OCRL: variants seen among roughly 807,000 people sequenced by gnomAD.
OCRL encodes the protein inositol polyphosphate 5-phosphatase OCRL.
Under a neutral mutation model 78.9 loss-of-function variants are expected in OCRL, and 8 were observed. That is an observed-to-expected ratio of 0.10 (90% CI 0.06 to 0.18). The LOEUF is 0.18. Among genes scored for constraint, OCRL ranks in the 10% least tolerant of loss-of-function variants. OCRL has a pLI of 1.00. For missense variants in OCRL, 454 were observed against 696.7 expected, an observed-to-expected ratio of 0.65 and a Z score of 3.92; for synonymous variants, 240 against 235.4, an observed-to-expected ratio of 1.02 and a Z score of -0.18.
intron 18 of OCRL, among the ~76,000 whole-genome samples, chrX:129,580,336 CTG>C (rs1488535365): frequency 8.9e-6 from 1 of 111,878 alleles, no homozygotes. Flanking sequence ...GTATGAAAAA[CTG>C]TAAGATTTCC....
rs970898432 is a variant in OCRL, at chrX:129,591,444, A to C, written c.*1174A>C. 1 of 111,936 alleles carries C rather than the reference A, an allele frequency of 8.9e-6. No homozygotes were observed. Among genetic ancestry groups the C allele is most frequent in the Non-Finnish European group, 1.9e-5 (1 of 53,126 alleles). 9.2% of individuals were successfully genotyped at this position (111,936 alleles called of 1,213,427 possible). On this transcript the variant is annotated 3_prime_UTR_variant, in exon 24 of 24. Transcript: ENST00000371113. ...ACCAAGCACCTTACCTCTCCCATAC[A>C]AGATGACCCTCTGAGCTTTTCATTT...
Position 129,588,226 on chromosome X carries a change from C to T in OCRL, c.2304C>T (p.Ile768=), listed in dbSNP as rs1172903769. ...GAATGCAGGAAGAGCTCCAGCAGATCATTGATTGTCTGGATACCAGCATTC... is the reference window on the plus strand; with the variant it reads ...GAATGCAGGAAGAGCTCCAGCAGATTATTGATTGTCTGGATACCAGCATTC... The part of the protein sequence containing the change: ...TPGMQEELQQ[I]IDCLDTSIPE... The change falls in exon 21 of 24, where the codon ATC becomes ATT. Residue 768 remains isoleucine (I), a synonymous_variant. Coordinates refer to ENST00000371113, the MANE Select transcript of OCRL (RefSeq NM_000276.4). The T allele has an allele frequency of 8.3e-7, 1 of 1,206,301 alleles. No individual in the cohort carries two copies. Among genetic ancestry groups the T allele is most frequent in the Non-Finnish European group, 1.1e-6 (1 of 891,838 alleles).
rs1481818991 is a variant in OCRL at position 129,587,113 on chromosome X, C to T, written c.2251C>T (p.His751Tyr). ...LVDHLFKYAC[H>Y]QEDLFQTPGM... is the part of the protein sequence containing the mutation. Reference sequence around the variant, plus strand: ...AGATCACCTATTCAAATACGCCTGTCACCAGGTAAGTGAGAGTAGACCTTC... The same window carrying T: ...AGATCACCTATTCAAATACGCCTGTTACCAGGTAAGTGAGAGTAGACCTTC... The change falls in exon 20 of 24, where the codon CAC (histidine) becomes TAC (tyrosine). Residue 751 changes from histidine (H) to tyrosine (Y), a missense_variant. His to Tyr is a moderately conservative substitution (Grantham distance 83). Transcript: ENST00000371113. 1.7e-6 allele frequency: 2 copies of T among 1,151,560 alleles called. No homozygotes were observed. Among genetic ancestry groups the T allele is most frequent in the Admixed American group, 2.2e-5 (1 of 45,957 alleles). 94.9% of individuals were successfully genotyped at this position (1,151,560 alleles called of 1,213,427 possible).
rs773831589 is a variant in OCRL at position 129,566,782 on chromosome X, G to A, written c.1357-472G>A. Among the ~76,000 whole-genome samples, 4 of 112,105 alleles carry A rather than the reference G, an allele frequency of 3.6e-5. No homozygotes were observed. In the East Asian group the frequency reaches 8.4e-4, roughly 24 times the overall value. On this transcript the variant is annotated intron_variant, in intron 13 of 23. Coordinates refer to ENST00000371113, the MANE Select transcript of OCRL (RefSeq NM_000276.4). ...CTTTTTCTTTATTCTGCCTCCAAAA[G>A]GGGTACATTTAGGATAAATTCTGAG...
Position 129,544,973 on chromosome X carries a change from G to T in OCRL, c.135G>T (p.Leu45Phe). ...RNGQYELIIQ[L>F]HEKEQHVQDI... is the part of the protein sequence containing the mutation. ...TGTTTCCTAGGTTAATAATCCAGTTGCATGAGAAGGAACAGCATGTTCAAG... is the reference window on the plus strand; with the variant it reads ...TGTTTCCTAGGTTAATAATCCAGTTTCATGAGAAGGAACAGCATGTTCAAG... Residue 45 changes from leucine to phenylalanine, a missense_variant, in exon 3 of 24, where the codon TTG becomes TTT. Around this residue, in one of 2 missense-constraint regions of OCRL, gnomAD observed 177 missense variants for 179.6 expected, o/e 0.99. Coordinates refer to ENST00000371113, the MANE Select transcript of OCRL (RefSeq NM_000276.4). 2 of 1,159,090 alleles carry T rather than the reference G, an allele frequency of 1.7e-6. No homozygotes were observed. The highest frequency in any genetic ancestry group is 2.4e-6 in the Non-Finnish European group (2 of 847,778).
At chrX:129,588,759 T>C in intron 21 of OCRL, 127 bp from the exon 22 acceptor site, 1 of 806,309 alleles carries the variant, frequency 1.2e-6, no homozygotes, top group Non-Finnish European at 1.9e-6. Flanking sequence ...CAAACCCCCA[T>C]TAGGATCAAT....
rs1318590452 is a variant in OCRL at position 129,591,530 on chromosome X, A to G, written c.*1260A>G. On this transcript the variant is annotated 3_prime_UTR_variant, in exon 24 of 24. Coordinates refer to ENST00000371113, the MANE Select transcript of OCRL (RefSeq NM_000276.4). ...AATTAATCTATATTGGTTGACAAAC[A>G]AGCCACCAACCACTGACTGCAAAAC... is the stretch of plus-strand genomic sequence containing the variant. The G allele has an allele frequency of 8.9e-6, 1 of 112,276 alleles. No individual in the cohort carries two copies. Among genetic ancestry groups the G allele is most frequent in the African/African-American group, 3.3e-5 (1 of 30,768 alleles). The allele number at this position is 112,276 out of a possible 1,213,427, so 9.3% of individuals were successfully genotyped here. A position where few individuals can be genotyped will look rare whatever the true frequency, so the allele number is the denominator to read the frequency against.
At chrX:129,583,275 G>T (rs1452973301) in intron 18 of OCRL, among the ~76,000 whole-genome samples, 1 of 111,842 alleles carries the variant, frequency 8.9e-6, no homozygotes, top group Non-Finnish European at 1.9e-5. Flanking sequence ...TTTAAGTGGG[G>T]TTTCTCACTG....
intron 17 of OCRL, 119 bp downstream of exon 17, chrX:129,576,181 C>T (rs1936365805): frequency 3.3e-6 from 3 of 918,808 alleles, no homozygotes; most frequent in South Asian, 4.1e-5. Flanking sequence ...GGTGATACCT[C>T]TGGTGTGTGT....
At chrX:129,584,243 G>T in intron 18 of OCRL, 101 bp from the exon 19 acceptor site, 1 of 701,609 alleles carries the variant, frequency 1.4e-6, no homozygotes, top group African/African-American at 2.1e-5. Flanking sequence ...TGTATATCTG[G>T]TAAGATAGTG....
At chrX:129,588,808 G>A in intron 21 of OCRL, 78 bp from the exon 22 acceptor site, 1 of 1,126,311 alleles carries the variant, frequency 8.9e-7, no homozygotes, top group Non-Finnish European at 1.2e-6. Context: ...CCCTGTAGGA[G>A]CTTGAGGAAA....
intron 4 of OCRL, among the ~76,000 whole-genome samples, chrX:129,551,831 T>G (rs368053324): frequency 1.8e-5 from 2 of 112,092 alleles, no homozygotes; most frequent in East Asian, 5.6e-4. Context: ...AAGACCTCTT[T>G]GAAGAATTGA....
At chrX:129,563,612 T>C (rs1424215998) in intron 12 of OCRL, among the ~76,000 whole-genome samples, 1 of 111,874 alleles carries the variant, frequency 8.9e-6, no homozygotes, top group Non-Finnish European at 1.9e-5. Flanking sequence ...TACATTATTC[T>C]TTTTAATGGC....
chrX:129,540,846 CAG>C (rs1389887908), intron 2 of OCRL, 23 bp downstream of exon 2: 4 of 1,159,083 alleles, frequency 3.5e-6, no homozygotes, highest in Non-Finnish European at 4.7e-6. Flanking sequence ...CTGATTCCCA[CAG>C]AGGAGGGGAG....
intron 8 of OCRL, among the ~76,000 whole-genome samples, chrX:129,559,332 G>A (rs185444207): frequency 9.0e-6 from 1 of 111,546 alleles, no homozygotes; most frequent in Admixed American, 9.5e-5. Flanking sequence ...GCAAGTAGGT[G>A]GAACTACAGG....
intron 14 of OCRL, 83 bp downstream of exon 14, chrX:129,567,446 T>A: frequency 1.5e-6 from 1 of 645,169 alleles, no homozygotes; most frequent in Non-Finnish European, 2.5e-6. Flanking sequence ...GGGCTAGGAA[T>A]TTTTTAGGCC....
intron 20 of OCRL, 55 bp from the exon 21 acceptor site, chrX:129,588,124 C>G (rs1394228536): frequency 1.1e-6 from 1 of 881,702 alleles, no homozygotes; most frequent in Non-Finnish European, 1.7e-6. Flanking sequence ...GGGTAATCAT[C>G]ATAACCTCAG....
chrX:129,569,600 G>A (rs957063410), intron 15 of OCRL, among the ~76,000 whole-genome samples: 2 of 111,273 alleles, frequency 1.8e-5, no homozygotes, highest in African/African-American at 6.5e-5. Context: ...GCCTTTTAGT[G>A]ACACAGATGT....
chrX:129,570,647 A>T (rs1331899825), intron 15 of OCRL, among the ~76,000 whole-genome samples: 10 of 112,560 alleles, frequency 8.9e-5, no homozygotes, highest in Non-Finnish European at 1.5e-4. Context: ...TTAAAATAAT[A>T]ATCATTAATA....
Sources: allele counts gnomAD v4.1 joint callset (sites outside exome capture counted in the v4.1 genomes callset), GRCh38; gene constraint gnomAD v4.1.1; regional missense constraint gnomAD v4.1.1; transcripts MANE v1.5; gene names NCBI Gene and HGNC (gene_info 2026-07-23, HGNC 2026-07-21).